Variants in JADE1 observed in about 807,000 individuals in gnomAD.
JADE1 encodes protein Jade-1.
JADE1 carries 14 observed loss-of-function variants against 81.8 expected under a neutral mutation model. That is an observed-to-expected ratio of 0.17 (90% CI 0.11 to 0.27). The LOEUF (loss-of-function observed/expected upper bound fraction) is 0.27, where lower values mean the gene tolerates loss of function less well. JADE1 is among the 10% of genes least tolerant of loss of function. JADE1 has a pLI of 1.00. For synonymous variants in JADE1, 353 were observed against 391.9 expected, an observed-to-expected ratio of 0.90 and a Z score of 1.17; for missense variants, 690 against 1,047.9, an observed-to-expected ratio of 0.66 and a Z score of 4.71.
chr4:128,824,471 A>G (rs1171874425), intron 1 of JADE1, among the ~76,000 whole-genome samples: 1 of 152,196 alleles, frequency 6.6e-6, no homozygotes, highest in Non-Finnish European at 1.5e-5. Flanking sequence ...TTAGTTTTAT[A>G]TAAGACCACC....
At chr4:128,812,881 G>T (rs1474178223) in intron 1 of JADE1, among the ~76,000 whole-genome samples, 1 of 152,270 alleles carries the variant, frequency 6.6e-6, no homozygotes, top group Non-Finnish European at 1.5e-5. Flanking sequence ...TGCAGTGAAT[G>T]ACCTGAGACA....
At chr4:128,812,164 C>CGGGGACGCCGCTGCGGA (rs905793398) in intron 1 of JADE1, among the ~76,000 whole-genome samples, 1 of 151,948 alleles carries the variant, frequency 6.6e-6, no homozygotes, top group African/African-American at 2.4e-5. Context: ...GCGGCGGCGG[C>CGGGGACGCCGCTGCGGA]GGGGACGCCG....
At chr4:128,866,526 G>A (rs1374692950) in intron 9 of JADE1, among the ~76,000 whole-genome samples, 3 of 152,132 alleles carry the variant, frequency 2.0e-5, no homozygotes, top group African/African-American at 4.8e-5. Context: ...CTACACTTAC[G>A]CTCTACACCA....
At position 128,871,496 on chromosome 4, in the gene JADE1, T is replaced by C; in HGVS notation, c.1763T>C (p.Val588Ala). The change falls in exon 11 of 11, where the codon GTT (valine) becomes GCT (alanine). Residue 588 changes from valine to alanine, a missense_variant. Physicochemically the swap from Val to Ala is moderately conservative, Grantham distance 64. This residue lies in a region of JADE1 where 86 missense variants were observed against 95.4 expected (regional missense o/e 0.90). Transcript: ENST00000226319. This position sits in a 1 kb window ranked among gnomAD's most constrained non-coding sequence, Gnocchi z 4.1. ...FFRKQMGTSL[V>A]HSLKKPHKRD... Reference sequence around the variant, plus strand: ...AGAAAACAAATGGGTACTTCCTTGGTTCATTCGCTGAAAAAGCCCCATAAG... The same window carrying C: ...AGAAAACAAATGGGTACTTCCTTGGCTCATTCGCTGAAAAAGCCCCATAAG... The C allele has an allele frequency of 1.2e-6, 2 of 1,614,152 alleles. No homozygotes were observed. The highest frequency in any genetic ancestry group is 2.7e-5 in the African/African-American group (2 of 75,030).
chr4:128,832,825 T>C (rs2125829496), intron 2 of JADE1, among the ~76,000 whole-genome samples: 1 of 152,364 alleles, frequency 6.6e-6, no homozygotes, highest in South Asian at 2.1e-4. Context: ...AGCTGCACAT[T>C]AGAAAGCAAG....
chr4:128,852,456 C>CTT (rs1293516661), intron 6 of JADE1, among the ~76,000 whole-genome samples, 188 bp downstream of exon 6: 6 of 152,238 alleles, frequency 3.9e-5, no homozygotes. Context: ...ATATCCTCTG[C>CTT]TTTTGCAGCC....
intron 1 of JADE1, among the ~76,000 whole-genome samples, chr4:128,810,582 G>A (rs1352173999): frequency 6.6e-6 from 1 of 151,388 alleles, no homozygotes; most frequent in South Asian, 2.1e-4. Context: ...TGAATCCAGA[G>A]TGTGTGAGAC....
rs1732245922 is a variant in JADE1 at position 128,872,173 on chromosome 4, A to T, written c.2440A>T (p.Ser814Cys). The T allele has an allele frequency of 6.2e-7, 1 of 1,614,176 alleles. No homozygotes were observed. Among genetic ancestry groups the T allele is most frequent in the East Asian group, 2.2e-5 (1 of 44,860 alleles). ...VPDVEMSDSE[S>C]EASEKKCIHT... ...CGATGTGGAAATGAGTGACTCAGAG[A>T]GTGAGGCATCAGAAAAGAAATGTAT... The change falls in exon 11 of 11, where the codon AGT becomes TGT. Residue 814 changes from serine to cysteine, a missense_variant. Transcript: ENST00000226319.
chr4:128,861,180 T>C (rs1353738945), intron 8 of JADE1, among the ~76,000 whole-genome samples: 1 of 152,232 alleles, frequency 6.6e-6, no homozygotes, highest in Non-Finnish European at 1.5e-5. Flanking sequence ...AAACCCAAGT[T>C]AATGCCTGAA....
chr4:128,872,052 C>T lies in JADE1; in HGVS notation c.2319C>T (p.His773=). Residue 773 remains histidine, a synonymous_variant, in exon 11 of 11, where the codon CAC becomes CAT. Coordinates refer to ENST00000226319, the MANE Select transcript of JADE1 (RefSeq NM_199320.4). The stretch of plus-strand genomic sequence containing the variant: ...CCCACGATGGGGCCTGCCACCAGCA[C>T]TCAGACTACCCATATTTGGGCTTAG... The part of the protein sequence containing the change: ...GEAHDGACHQ[H]SDYPYLGLGR... 1.2e-6 allele frequency: 2 copies of T among 1,614,086 alleles called. No individual in the cohort carries two copies.
At chr4:128,848,362 A>G (rs1730052840) in intron 4 of JADE1, among the ~76,000 whole-genome samples, 1 of 152,046 alleles carries the variant, frequency 6.6e-6, no homozygotes, top group African/African-American at 2.4e-5. Context: ...TATTTTTAGT[A>G]GAGATGGGGT....
chr4:128,854,099 A>G (rs1730594289), intron 6 of JADE1, among the ~76,000 whole-genome samples: 1 of 151,772 alleles, frequency 6.6e-6, no homozygotes, highest in African/African-American at 2.4e-5. Flanking sequence ...CCCCATGAAA[A>G]ATTTTTTTGA....
At chr4:128,861,474 A>G (rs138858190) in intron 8 of JADE1, among the ~76,000 whole-genome samples, 122 of 152,336 alleles carry the variant, frequency 8.0e-4, no homozygotes, top group African/African-American at 2.8e-3. Flanking sequence ...AGACCAACTT[A>G]GGCAACATAG....
intron 8 of JADE1, among the ~76,000 whole-genome samples, chr4:128,859,227 C>T (rs1386473864): frequency 6.6e-6 from 1 of 150,860 alleles, no homozygotes; most frequent in African/African-American, 2.4e-5. Context: ...TGTGAGTATG[C>T]GTATGTGGGT....
chr4:128,812,405 C>T (rs1355301635), intron 1 of JADE1, among the ~76,000 whole-genome samples: 1 of 151,922 alleles, frequency 6.6e-6, no homozygotes, highest in Non-Finnish European at 1.5e-5. Context: ...GGAGCGTTCG[C>T]CGCTGCGGGG....
At chr4:128,817,583 G>C (rs535947713) in intron 1 of JADE1, among the ~76,000 whole-genome samples, 104 of 152,276 alleles carry the variant, frequency 6.8e-4, no homozygotes, top group African/African-American at 2.4e-3. Flanking sequence ...TTCATGGCTT[G>C]CTTTAATTTA....
chr4:128,825,348 C>G (rs1318137771), intron 1 of JADE1, among the ~76,000 whole-genome samples: 1 of 152,160 alleles, frequency 6.6e-6, no homozygotes, highest in Admixed American at 6.5e-5. Flanking sequence ...CCCTCTTATT[C>G]TTTTGTAAAA....
chr4:128,813,725 T>C (rs1332378035), intron 1 of JADE1, among the ~76,000 whole-genome samples: 1 of 152,040 alleles, frequency 6.6e-6, no homozygotes, highest in African/African-American at 2.4e-5. Context: ...CCAGCCTGCT[T>C]ACGGTCACTT....
chr4:128,819,189 A>C (rs1372549588), intron 1 of JADE1, among the ~76,000 whole-genome samples: 1 of 152,102 alleles, frequency 6.6e-6, no homozygotes, highest in Non-Finnish European at 1.5e-5. Context: ...AGTTGAAATT[A>C]GAAGTTTGTT....
Sources: allele counts gnomAD v4.1 joint callset (sites outside exome capture counted in the v4.1 genomes callset), GRCh38; gene constraint gnomAD v4.1.1; regional missense constraint gnomAD v4.1.1; non-coding constraint Gnocchi (gnomAD v3.1); transcripts MANE v1.5; gene names NCBI Gene and HGNC (gene_info 2026-07-23, HGNC 2026-07-21).